Variants in POU2F2 observed in about 807,000 individuals in gnomAD.
The protein encoded by POU2F2 is POU class 2 homeobox 2, also known as POU domain, class 2, transcription factor 2.
In POU2F2, 14 loss-of-function variants were observed where a neutral mutation model predicts 63.5. The observed-to-expected ratio is 0.22, with a 90% CI of 0.15 to 0.34. POU2F2 has a LOEUF of 0.34. POU2F2 is among the 10% of genes least tolerant of loss of function. The pLI is 1.00. For missense variants in POU2F2, 607 were observed against 815.2 expected (o/e 0.74, Z 3.11); for synonymous variants, 306 against 348.6 (o/e 0.88, Z 1.36).
intron 1 of POU2F2, among the ~76,000 whole-genome samples, chr19:42,168,176 G>A (rs1378920952): frequency 1.3e-5 from 2 of 152,196 alleles, no homozygotes; most frequent in East Asian, 3.8e-4. Flanking sequence ...AGACTGGACA[G>A]GTAGAGCAGA....
intron 1 of POU2F2, among the ~76,000 whole-genome samples, chr19:42,171,035 C>T (rs1014648413): frequency 5.9e-5 from 9 of 152,250 alleles, no homozygotes; most frequent in African/African-American, 1.2e-4. Flanking sequence ...CAGAACCGTC[C>T]GGACCAATGG....
At chr19:42,132,155 C>T (rs1480512012) in intron 1 of POU2F2, among the ~76,000 whole-genome samples, 1 of 152,178 alleles carries the variant, frequency 6.6e-6, no homozygotes, top group Non-Finnish European at 1.5e-5. Context: ...CGGAACAGGG[C>T]AACAGAGAAG....
intron 2 of POU2F2, among the ~76,000 whole-genome samples, chr19:42,157,968 T>C (rs571373919): frequency 1.2e-4 from 18 of 152,220 alleles, no homozygotes; most frequent in Middle Eastern, 3.4e-3. Context: ...AGCTCCCACA[T>C]AGAGCATTGA....
At position 42,092,392 on chromosome 19, in the gene POU2F2, G is replaced by T; in HGVS notation, c.1265-122C>A. ...ACGCAGCATCTCCTCAGTCAGAACA[G>T]CCTTAGACCTCCCTGCCCTCTCTTC... is the stretch of plus-strand genomic sequence containing the variant. On this transcript the variant is annotated intron_variant, in intron 12 of 14. Coordinates refer to ENST00000692977, the MANE Select transcript of POU2F2 (RefSeq NM_001394376.1). The surrounding 1 kb of genome is among the most constrained non-coding windows in gnomAD (Gnocchi z 5.0). The T allele has an allele frequency of 1.3e-6, 1 of 756,336 alleles. No individual in the cohort carries two copies. Among genetic ancestry groups the T allele is most frequent in the African/African-American group, 1.7e-5 (1 of 58,056 alleles). The allele number at this position is 756,336 out of a possible 1,614,324, so 46.9% of individuals were successfully genotyped here. A position where few individuals can be genotyped will look rare whatever the true frequency, so the allele number is the denominator to read the frequency against.
intron 5 of POU2F2, chr19:42,110,737 A>G (rs988041800): frequency 2.2e-6 from 1 of 456,228 alleles, no homozygotes; most frequent in South Asian, 1.5e-5. Flanking sequence ...TGACACCACA[A>G]TAAGTCTTAC....
intron 1 of POU2F2, among the ~76,000 whole-genome samples, chr19:42,189,903 T>C (rs1305315255): frequency 1.3e-5 from 2 of 152,174 alleles, no homozygotes; most frequent in African/African-American, 4.8e-5. Flanking sequence ...TTTTTTTTTA[T>C]TTTTAGCAGA....
chr19:42,189,168 T>C (rs1238963495), intron 1 of POU2F2, among the ~76,000 whole-genome samples: 1 of 152,124 alleles, frequency 6.6e-6, no homozygotes, highest in Non-Finnish European at 1.5e-5. Flanking sequence ...TGGATACCAA[T>C]GTTTCTGCCC....
chr19:42,121,934 C>T (rs896631546), intron 4 of POU2F2, among the ~76,000 whole-genome samples, 192 bp downstream of exon 4: 4 of 151,986 alleles, frequency 2.6e-5, no homozygotes, highest in African/African-American at 9.7e-5. Context: ...CCCCCACCCC[C>T]TAGGGAAGGG....
At chr19:42,093,662 G>T in intron 12 of POU2F2, 167 bp downstream of exon 12, 1 of 547,852 alleles carries the variant, frequency 1.8e-6, no homozygotes, top group Non-Finnish European at 3.1e-6. Flanking sequence ...CTCCTGCAGA[G>T]GAGGGGTGAG....
chr19:42,128,384 T>A (rs75679664), intron 1 of POU2F2, among the ~76,000 whole-genome samples: 42 of 152,208 alleles, frequency 2.8e-4, no homozygotes, highest in African/African-American at 9.9e-4. Flanking sequence ...TTGAGGGAAA[T>A]TTTTCACCAT....
chr19:42,120,166 C>T (rs1011964500), intron 4 of POU2F2, among the ~76,000 whole-genome samples: 6 of 151,764 alleles, frequency 4.0e-5, no homozygotes, highest in African/African-American at 1.5e-4. Flanking sequence ...CCACCTTGGC[C>T]TCCCAAAGTG....
At chr19:42,135,658 T>TA (rs918682950), upstream of POU2F2, among the ~76,000 whole-genome samples, 15 of 151,180 alleles carry the variant, frequency 9.9e-5, no homozygotes, top group South Asian at 1.5e-3. Context: ...TTTCCCCTTT[T>TA]AAAAAAAATT....
intron 1 of POU2F2, among the ~76,000 whole-genome samples, chr19:42,170,578 C>T (rs1003474561): frequency 1.3e-5 from 2 of 152,164 alleles, no homozygotes; most frequent in African/African-American, 4.8e-5. Context: ...GGCATGTACA[C>T]ATAGACGCAC....
chr19:42,170,215 C>T (rs1405830632), intron 1 of POU2F2, among the ~76,000 whole-genome samples: 2 of 152,054 alleles, frequency 1.3e-5, no homozygotes, highest in Non-Finnish European at 2.9e-5. Flanking sequence ...GCCCACTCCA[C>T]CCACATCCAT....
In POU2F2 at chr19:42,169,079, T is replaced by C. The variant is rs1599707103; in HGVS notation, c.-70+6884A>G. Reference sequence around the variant, plus strand: ...GACTCCTATAGAGGCTCAGTACCTATGTGATGAGTTAATTAATTCTATACA... The same window carrying C: ...GACTCCTATAGAGGCTCAGTACCTACGTGATGAGTTAATTAATTCTATACA... On this transcript the variant is annotated intron_variant, in intron 1 of 6. Coordinates refer to the POU2F2 transcript ENST00000524801. This position sits in a 1 kb window ranked among gnomAD's most constrained non-coding sequence, Gnocchi z 4.3. Among the ~76,000 whole-genome samples, 3 of 152,214 alleles carry C rather than the reference T, an allele frequency of 2.0e-5. No individual in the cohort carries two copies. The highest frequency in any genetic ancestry group is 2.1e-4 in the South Asian group (1 of 4,834).
At chr19:42,126,571 C>A (rs2146674119) in intron 1 of POU2F2, among the ~76,000 whole-genome samples, 1 of 152,272 alleles carries the variant, frequency 6.6e-6, no homozygotes, top group Non-Finnish European at 1.5e-5. Context: ...AGAGACCAAC[C>A]CTGCTGACAT....
intron 5 of POU2F2, among the ~76,000 whole-genome samples, chr19:42,111,807 C>T (rs935775578): frequency 2.6e-5 from 4 of 151,994 alleles, no homozygotes; most frequent in African/African-American, 9.7e-5. Context: ...CTCTTATCCC[C>T]TGCAGTCCAT....
At chr19:42,148,029 C>A (rs1201569679) in intron 2 of POU2F2, among the ~76,000 whole-genome samples, 1 of 152,096 alleles carries the variant, frequency 6.6e-6, no homozygotes, top group Non-Finnish European at 1.5e-5. Context: ...CTGAGGCAGG[C>A]AAAATGGTCA....
chr19:42,143,890 A>G (rs1182721823), intron 2 of POU2F2, among the ~76,000 whole-genome samples: 3 of 151,856 alleles, frequency 2.0e-5, no homozygotes, highest in Non-Finnish European at 4.4e-5. Flanking sequence ...GGCACTTCTC[A>G]TCACTACGTC....
Sources: gnomAD v4.1 joint callset for allele counts (sites outside exome capture counted in the v4.1 genomes callset) on GRCh38, gnomAD v4.1.1 for gene constraint, Gnocchi (gnomAD v3.1) non-coding constraint, MANE v1.5 for transcripts, NCBI Gene and HGNC (gene_info 2026-07-23, HGNC 2026-07-21) for gene names.